The following ANO3 variants were observed in gnomAD, a reference collection of about 807,000 sequenced individuals.
The protein encoded by ANO3 is anoctamin-3.
ANO3 carries 99 observed loss-of-function variants against 144.8 expected under a neutral mutation model. The observed-to-expected ratio is 0.68, with a 90% CI of 0.58 to 0.81. The LOEUF (loss-of-function observed/expected upper bound fraction) is 0.81, where lower values mean the gene tolerates loss of function less well. Ranked by LOEUF, ANO3 falls within the 30% of genes least tolerant of loss-of-function variation. ANO3 has a pLI of 0.00. For missense variants in ANO3, 905 were observed against 1,202.2 expected (o/e 0.75, Z 3.66); for synonymous variants, 414 against 392.6 (o/e 1.05, Z -0.64).
intron 4 of ANO3, among the ~76,000 whole-genome samples, chr11:26,486,528 T>A (rs1046458126): frequency 6.6e-6 from 1 of 152,184 alleles, no homozygotes; most frequent in African/African-American, 2.4e-5. Context: ...TTTGGCGTGA[T>A]CAAAACATTT....
intron 1 of ANO3, among the ~76,000 whole-genome samples, chr11:26,233,901 A>G (rs1852457151): frequency 6.6e-6 from 1 of 152,134 alleles, no homozygotes; most frequent in South Asian, 2.1e-4. Context: ...ACGAGAACAC[A>G]TGGACACAGG....
intron 1 of ANO3, among the ~76,000 whole-genome samples, chr11:26,248,738 G>A (rs1018506941): frequency 1.3e-5 from 2 of 151,876 alleles, no homozygotes; most frequent in Admixed American, 6.6e-5. Context: ...GTTTTGTTTT[G>A]CTTGTTTGTT....
rs1305217436 is a variant in ANO3 at position 26,547,537 on chromosome 11, A to G, written c.1276A>G (p.Asn426Asp). ...VFFYGLFTMNNSQVSQEICKA... is the reference protein window; with the variant it reads ...VFFYGLFTMNDSQVSQEICKA... ...CTTCTATGGATTATTTACAATGAAT[A>G]ATAGTCAAGTAAGGTAGGCTATTAA... The change falls in exon 12 of 27, where the codon AAT (asparagine) becomes GAT (aspartate). Residue 426 changes from asparagine (N) to aspartate (D), a missense_variant. Physicochemically the swap from Asn to Asp is conservative, Grantham distance 23. Coordinates refer to ENST00000256737, the MANE Select transcript of ANO3 (RefSeq NM_031418.4). 3 of 1,611,836 alleles carry G rather than the reference A, an allele frequency of 1.9e-6. No homozygotes were observed. Among genetic ancestry groups the G allele is most frequent in the Non-Finnish European group, 2.5e-6 (3 of 1,178,448 alleles).
At chr11:26,569,935 C>T (rs932097120) in intron 14 of ANO3, among the ~76,000 whole-genome samples, 29 of 151,772 alleles carry the variant, frequency 1.9e-4, no homozygotes, top group Admixed American at 1.3e-4. Flanking sequence ...ACCTCCTGAT[C>T]TTTGCCTCTT....
intron 1 of ANO3, among the ~76,000 whole-genome samples, chr11:26,303,402 G>C (rs1854283243): frequency 6.6e-6 from 1 of 152,100 alleles, no homozygotes; most frequent in African/African-American, 2.4e-5. Context: ...CAGCAACAAA[G>C]ATGCAACTGG....
At chr11:26,448,614 T>A (rs1454839825) in intron 3 of ANO3, among the ~76,000 whole-genome samples, 3 of 152,186 alleles carry the variant, frequency 2.0e-5, no homozygotes, top group African/African-American at 7.2e-5. Context: ...CTAATTCCCA[T>A]TATTTTTTCC....
chr11:26,402,641 A>G (rs573095154), intron 1 of ANO3, among the ~76,000 whole-genome samples: 10 of 151,920 alleles, frequency 6.6e-5, no homozygotes, highest in Non-Finnish European at 1.5e-4. Flanking sequence ...TCTCACTTAT[A>G]AGTAGGATCT....
chr11:26,580,155 A>ACCCT (rs1851092607), intron 14 of ANO3, among the ~76,000 whole-genome samples: 2 of 147,584 alleles, frequency 1.4e-5, no homozygotes, highest in African/African-American at 5.0e-5. Context: ...AAAATATTTT[A>ACCCT]ATCAACTGAC....
intron 1 of ANO3, among the ~76,000 whole-genome samples, chr11:26,196,119 C>T (rs1389833738): frequency 1.3e-5 from 2 of 152,062 alleles, no homozygotes; most frequent in Admixed American, 6.6e-5. Context: ...AACAAATACT[C>T]ATATTACCCT....
At chr11:26,260,712 A>C (rs1853167829) in intron 1 of ANO3, among the ~76,000 whole-genome samples, 1 of 152,236 alleles carries the variant, frequency 6.6e-6, no homozygotes, top group Non-Finnish European at 1.5e-5. Context: ...ACTGCCAAGG[A>C]AGTAAGGATT....
intron 7 of ANO3, among the ~76,000 whole-genome samples, chr11:26,527,710 TC>T (rs1849201267): frequency 6.6e-6 from 1 of 152,310 alleles, no homozygotes; most frequent in East Asian, 1.9e-4. Context: ...TTGAGGATCA[TC>T]CCTTCTCCAG....
intron 6 of ANO3, among the ~76,000 whole-genome samples, chr11:26,521,822 C>G (rs1467571899): frequency 6.6e-6 from 1 of 152,186 alleles, no homozygotes; most frequent in African/African-American, 2.4e-5. Flanking sequence ...GGGCCAACCT[C>G]ACATTTTTTG....
intron 1 of ANO3, among the ~76,000 whole-genome samples, chr11:26,400,436 A>G (rs1234954307): frequency 6.6e-6 from 1 of 152,068 alleles, no homozygotes; most frequent in Non-Finnish European, 1.5e-5. Flanking sequence ...ATATAATATA[A>G]AACAACACTG....
chr11:26,633,274 A>AGATGT (rs1852843618), intron 18 of ANO3, among the ~76,000 whole-genome samples: 2 of 152,182 alleles, frequency 1.3e-5, no homozygotes, highest in Non-Finnish European at 2.9e-5. Context: ...TTATAAAACC[A>AGATGT]TAAGATGTTA....
chr11:26,626,962 A>T (rs1852606897), intron 18 of ANO3, among the ~76,000 whole-genome samples: 1 of 152,102 alleles, frequency 6.6e-6, no homozygotes, highest in Non-Finnish European at 1.5e-5. Flanking sequence ...AGCTTCACAG[A>T]TGCAGTGTCT....
At chr11:26,315,062 T>C (rs1854590123) in intron 1 of ANO3, among the ~76,000 whole-genome samples, 1 of 151,942 alleles carries the variant, frequency 6.6e-6, no homozygotes, top group African/African-American at 2.4e-5. Context: ...AATATTTTCT[T>C]TCCATAAATC....
chr11:26,659,607 G>A (rs140717967), intron 26 of ANO3, among the ~76,000 whole-genome samples: 4,715 of 152,062 alleles, frequency 0.031, 102 homozygotes, highest in Non-Finnish European at 0.049. Context: ...TGAGGCAGGA[G>A]GATTGCTTAA....
chr11:26,372,655 C>T (rs1184978136), intron 1 of ANO3, among the ~76,000 whole-genome samples: 2 of 152,068 alleles, frequency 1.3e-5, no homozygotes, highest in Admixed American at 6.6e-5. Context: ...CCAAGTAGAG[C>T]AGTACACCAA....
At chr11:26,330,226 T>G (rs11029524), upstream of ANO3, among the ~76,000 whole-genome samples, 3 of 152,130 alleles carry the variant, frequency 2.0e-5, no homozygotes, top group Non-Finnish European at 4.4e-5. Flanking sequence ...CACATCAGAA[T>G]GATCTGTAAG....
Sources: allele counts gnomAD v4.1 joint callset (sites outside exome capture counted in the v4.1 genomes callset), GRCh38; gene constraint gnomAD v4.1.1; transcripts MANE v1.5; gene names NCBI Gene and HGNC (gene_info 2026-07-23, HGNC 2026-07-21).